LRFN5: variants seen among roughly 807,000 people sequenced by gnomAD.
The protein encoded by LRFN5 is leucine rich repeat and fibronectin type III domain containing 5.
Under a neutral mutation model 45.6 loss-of-function variants are expected in LRFN5, and 24 were observed. That is an observed-to-expected ratio of 0.53 (90% CI 0.38 to 0.74). The LOEUF (loss-of-function observed/expected upper bound fraction) is 0.74. Ranked by LOEUF, LRFN5 falls within the 30% of genes least tolerant of loss-of-function variation. The pLI, the probability that LRFN5 is intolerant of heterozygous loss-of-function variation, is 0.00. For synonymous variants in LRFN5, 340 were observed against 313.8 expected, an observed-to-expected ratio of 1.08 and a Z score of -0.88; for missense variants, 776 against 861.5, an observed-to-expected ratio of 0.90 and a Z score of 1.24.
At chr14:41,851,118 G>A (rs925715372) in intron 2 of LRFN5, among the ~76,000 whole-genome samples, 4 of 151,576 alleles carry the variant, frequency 2.6e-5, no homozygotes, top group African/African-American at 9.7e-5. Flanking sequence ...CAATATTGTA[G>A]TACACCATAT....
chr14:41,610,740 A>G (rs1887727421), intron 1 of LRFN5, among the ~76,000 whole-genome samples: 1 of 145,936 alleles, frequency 6.9e-6, no homozygotes, highest in Non-Finnish European at 1.5e-5. Flanking sequence ...AATTGGGAAT[A>G]AATTTAAAAA....
At chr14:41,719,237 G>A (rs941863994) in intron 1 of LRFN5, among the ~76,000 whole-genome samples, 10 of 151,948 alleles carry the variant, frequency 6.6e-5, no homozygotes, top group Non-Finnish European at 1.3e-4. Flanking sequence ...GGGCTTATAT[G>A]TCTATTTATG....
chr14:41,621,130 G>A (rs1036674991), intron 1 of LRFN5, among the ~76,000 whole-genome samples: 22 of 151,888 alleles, frequency 1.4e-4, no homozygotes, highest in African/African-American at 4.6e-4. Flanking sequence ...GAGGATACAC[G>A]AAAAAGAAAA....
At chr14:41,753,177 T>C (rs1191550723) in intron 1 of LRFN5, among the ~76,000 whole-genome samples, 1 of 151,020 alleles carries the variant, frequency 6.6e-6, no homozygotes, top group Non-Finnish European at 1.5e-5. Context: ...AGCCTTGTAG[T>C]ATAGTTTGAA....
chr14:41,723,508 A>C (rs1883809241), intron 1 of LRFN5, among the ~76,000 whole-genome samples: 1 of 152,170 alleles, frequency 6.6e-6, no homozygotes. Context: ...CTGCTAGTTC[A>C]TGTTAGCGGA....
intron 2 of LRFN5, among the ~76,000 whole-genome samples, chr14:41,870,420 A>C (rs1162588463): frequency 6.6e-6 from 1 of 152,186 alleles, no homozygotes; most frequent in East Asian, 1.9e-4. Flanking sequence ...ATTGACTCAC[A>C]GTTCCACACG....
chr14:41,768,304 C>G (rs896287537), intron 2 of LRFN5, among the ~76,000 whole-genome samples: 10 of 151,998 alleles, frequency 6.6e-5, no homozygotes, highest in African/African-American at 2.4e-4. Context: ...AGAAGGACTA[C>G]TTTTAAGACA....
At chr14:41,739,452 T>C (rs1884594966) in intron 1 of LRFN5, among the ~76,000 whole-genome samples, 1 of 151,632 alleles carries the variant, frequency 6.6e-6, no homozygotes. Context: ...ATGTGGAAAT[T>C]AAATATCCTT....
At chr14:41,643,261 CTGTT>C (rs996937901) in intron 1 of LRFN5, among the ~76,000 whole-genome samples, 26 of 152,108 alleles carry the variant, frequency 1.7e-4, no homozygotes, top group African/African-American at 6.0e-4. Flanking sequence ...TTTTTCCAAA[CTGTT>C]TGAGTGAATA....
chr14:41,843,813 G>A (rs1232037770), intron 2 of LRFN5, among the ~76,000 whole-genome samples: 2 of 152,006 alleles, frequency 1.3e-5, no homozygotes, highest in Non-Finnish European at 2.9e-5. Flanking sequence ...TGAAAGAAAT[G>A]GAATTAATCA....
rs1189232911 is a variant in LRFN5 at position 41,612,638 on chromosome 14, T to C, written c.-197+4076T>C. On this transcript the variant is annotated intron_variant, in intron 1 of 5. Coordinates refer to ENST00000298119, the MANE Select transcript of LRFN5 (RefSeq NM_152447.5). The stretch of plus-strand genomic sequence containing the variant: ...TGAGAGTGAGACTTCTTATTCTGGT[T>C]GCAGAGCCCACATTTTTATTCCCAT... Among the ~76,000 whole-genome samples, 7 of 152,276 alleles carry C rather than the reference T, an allele frequency of 4.6e-5. No individual in the cohort carries two copies. In the East Asian group the frequency reaches 1.3e-3, roughly 29 times the overall value.
chr14:41,674,557 AC>A (rs576013670), intron 1 of LRFN5, among the ~76,000 whole-genome samples: 1 of 118,806 alleles, frequency 8.4e-6, no homozygotes, highest in African/African-American at 3.4e-5. Context: ...CAGGGGGCTG[AC>A]CCCCCCACCT....
At chr14:41,743,922 A>G (rs1000875875) in intron 1 of LRFN5, among the ~76,000 whole-genome samples, 5 of 152,214 alleles carry the variant, frequency 3.3e-5, no homozygotes, top group Non-Finnish European at 7.3e-5. Context: ...AGTGGTGTGG[A>G]TGAAACTGTC....
chr14:41,891,698 C>T lies in LRFN5; in HGVS notation c.1834C>T (p.Gln612Ter), dbSNP rs759848495. Reference protein sequence around the residue: ...CCKATSDNVIQSSETCSSQDS... With the variant: ...CCKATSDNVI ...TAAAGCTACCAGTGACAATGTGATT[C>T]AATCTTCAGAAACTTGTTCGAGTCA... Residue 612 changes from glutamine (Q) to a stop codon, truncating the protein, a stop_gained, in exon 4 of 6, where the codon CAA (glutamine) becomes TAA (stop). Coordinates refer to ENST00000298119, the MANE Select transcript of LRFN5 (RefSeq NM_152447.5). LOFTEE classifies it high-confidence loss of function. 4 of 1,614,196 alleles carry T rather than the reference C, an allele frequency of 2.5e-6. No homozygotes were observed. The Admixed American group carries it at 6.7e-5, about 27-fold the overall frequency.
intron 2 of LRFN5, among the ~76,000 whole-genome samples, chr14:41,854,645 T>A (rs766177417): frequency 3.3e-5 from 5 of 152,090 alleles, no homozygotes; most frequent in Non-Finnish European, 5.9e-5. Context: ...AGAAAATAGG[T>A]TGGTCTTTAA....
intron 2 of LRFN5, among the ~76,000 whole-genome samples, chr14:41,774,730 C>T (rs1205338834): frequency 2.0e-5 from 3 of 152,040 alleles, no homozygotes; most frequent in Admixed American, 6.6e-5. Flanking sequence ...AGTTTTCACA[C>T]GTAAGTATTC....
intron 2 of LRFN5, among the ~76,000 whole-genome samples, chr14:41,858,476 C>T (rs1385548928): frequency 6.6e-6 from 1 of 152,002 alleles, no homozygotes; most frequent in Non-Finnish European, 1.5e-5. Context: ...AGCTCTTGGC[C>T]TCACAGAGGC....
At chr14:41,782,842 C>T (rs1251739952) in intron 2 of LRFN5, among the ~76,000 whole-genome samples, 1 of 152,140 alleles carries the variant, frequency 6.6e-6, no homozygotes, top group Non-Finnish European at 1.5e-5. Context: ...ACTCTTATTA[C>T]ATTGGAGCCT....
At chr14:41,833,206 G>A (rs1019106916) in intron 2 of LRFN5, among the ~76,000 whole-genome samples, 2 of 152,052 alleles carry the variant, frequency 1.3e-5, no homozygotes, top group African/African-American at 4.8e-5. Context: ...ATGTTTTTAC[G>A]AGCCCATTGA....
Sources: gnomAD v4.1 joint callset for allele counts (sites outside exome capture counted in the v4.1 genomes callset) on GRCh38, gnomAD v4.1.1 for gene constraint, MANE v1.5 for transcripts, NCBI Gene and HGNC (gene_info 2026-07-23, HGNC 2026-07-21) for gene names.